Variants in ARID2 observed in about 807,000 individuals in gnomAD.
ARID2 encodes the protein AT-rich interaction domain 2.
In ARID2, 32 loss-of-function variants were observed where a neutral mutation model predicts 184.6. That is an observed-to-expected ratio of 0.17 (90% CI 0.13 to 0.23). The LOEUF (loss-of-function observed/expected upper bound fraction) is 0.23, where lower values mean the gene tolerates loss of function less well. Ranked by LOEUF, ARID2 falls within the 10% of genes least tolerant of loss-of-function variation. The probability of loss-of-function intolerance (pLI) is 1.00; values close to 1 mark genes in which losing one functional copy is unlikely to be tolerated. For synonymous variants in ARID2, 836 were observed against 772.6 expected (o/e 1.08, Z -1.36); for missense variants, 1,696 against 2,197.6 (o/e 0.77, Z 4.56).
intron 3 of ARID2, among the ~76,000 whole-genome samples, chr12:45,764,141 C>T (rs1167527303): frequency 6.6e-6 from 1 of 151,952 alleles, no homozygotes; most frequent in East Asian, 1.9e-4. Context: ...GACTAGTACA[C>T]TTAACTATTA....
chr12:45,839,345 G>C lies in ARID2; in HGVS notation c.1347G>C (p.Leu449=), dbSNP rs2138136536. The part of the protein sequence containing the change: ...VEKSIDMLVC[L]VSMDIQMFGP... ...TTATTTTAGACATGTTAGTGTGTCT[G>C]GTTTCTATGGATATTCAGATGTTTG... Residue 449 remains leucine, a synonymous_variant, in exon 11 of 21, where the codon CTG becomes CTC. Coordinates refer to ENST00000334344, the MANE Select transcript of ARID2 (RefSeq NM_152641.4). 1 of 1,611,268 alleles carries C rather than the reference G, an allele frequency of 6.2e-7. No individual in the cohort carries two copies. The highest frequency in any genetic ancestry group is 8.5e-7 in the Non-Finnish European group (1 of 1,179,154).
At chr12:45,757,931 C>T (rs1941599067) in intron 3 of ARID2, among the ~76,000 whole-genome samples, 1 of 152,162 alleles carries the variant, frequency 6.6e-6, no homozygotes, top group Non-Finnish European at 1.5e-5. Context: ...TCCAGTATTT[C>T]TCTAAATATT....
At chr12:45,800,557 A>G (rs1352207253) in intron 3 of ARID2, among the ~76,000 whole-genome samples, 1 of 152,178 alleles carries the variant, frequency 6.6e-6, no homozygotes, top group Non-Finnish European at 1.5e-5. Context: ...TTAGTTTTGT[A>G]TAATGGAAGG....
intron 16 of ARID2, among the ~76,000 whole-genome samples, chr12:45,884,890 C>T (rs1460103313): frequency 6.6e-6 from 1 of 152,126 alleles, no homozygotes; most frequent in Non-Finnish European, 1.5e-5. Context: ...CCACCTATGA[C>T]TTTTAATCTG....
At chr12:45,883,589 T>G (rs991946616) in intron 16 of ARID2, among the ~76,000 whole-genome samples, 1 of 149,798 alleles carries the variant, frequency 6.7e-6, no homozygotes, top group African/African-American at 2.5e-5. Context: ...TCACAGATAC[T>G]GTATATAAAA....
chr12:45,844,279 A>T lies in ARID2; in HGVS notation c.1499-2577A>T, dbSNP rs1180778745. 2.6e-5 allele frequency among the ~76,000 whole-genome samples: 4 copies of T among 152,170 alleles called. No homozygotes were observed. In the East Asian group the frequency reaches 7.7e-4, roughly 29 times the overall value. On this transcript the variant is annotated intron_variant, in intron 11 of 20. Transcript: ENST00000334344. Reference sequence around the variant, plus strand: ...AGCAATTCACCCACTTCGGCCTCCCAAAGTGCTGGAATTACAGGCATGAGC... The same window carrying T: ...AGCAATTCACCCACTTCGGCCTCCCTAAGTGCTGGAATTACAGGCATGAGC...
intron 11 of ARID2, among the ~76,000 whole-genome samples, 167 bp from the exon 12 acceptor site, chr12:45,846,689 C>T (rs566184063): frequency 6.6e-6 from 1 of 152,116 alleles, no homozygotes; most frequent in African/African-American, 2.4e-5. Flanking sequence ...ATGATATGTG[C>T]TCCATTATAT....
chr12:45,906,364 T>C lies in ARID2; in HGVS notation c.*1286T>C. 4.3e-6 allele frequency: 1 copy of C among 233,330 alleles called. No individual in the cohort carries two copies. Among genetic ancestry groups the C allele is most frequent in the East Asian group, 6.1e-5 (1 of 16,468 alleles). The allele number at this position is 233,330 out of a possible 1,614,324, so 14.5% of individuals were successfully genotyped here. A position where few individuals can be genotyped will look rare whatever the true frequency, so the allele number is the denominator to read the frequency against. ...CCCCAGCGTGAAATGTATCCATTTA[T>C]AACTGCCTATTGCCTGTTCTATTAG... On this transcript the variant is annotated 3_prime_UTR_variant, in exon 21 of 21. Coordinates refer to ENST00000334344, the MANE Select transcript of ARID2 (RefSeq NM_152641.4).
At chr12:45,800,139 T>C (rs1942469260) in intron 3 of ARID2, among the ~76,000 whole-genome samples, 1 of 152,200 alleles carries the variant, frequency 6.6e-6, no homozygotes, top group Non-Finnish European at 1.5e-5. Context: ...TGTGAGCCTC[T>C]GTGCCCAGAA....
At chr12:45,832,528 G>A (rs1943140903) in intron 6 of ARID2, among the ~76,000 whole-genome samples, 1 of 151,878 alleles carries the variant, frequency 6.6e-6, no homozygotes, top group African/African-American at 2.4e-5. Context: ...CCAGGCTGGA[G>A]TGCAGTGGTA....
intron 1 of ARID2, 21 bp from the exon 2 acceptor site, chr12:45,730,023 G>C (rs1159468057): frequency 4.3e-6 from 7 of 1,612,186 alleles, no homozygotes; most frequent in South Asian, 1.1e-5. Flanking sequence ...TGACAAGTGC[G>C]GGGCTTTTTC....
At chr12:45,743,113 G>T (rs1260776212) in intron 3 of ARID2, among the ~76,000 whole-genome samples, 1 of 151,980 alleles carries the variant, frequency 6.6e-6, no homozygotes, top group African/African-American at 2.4e-5. Context: ...CAGCACTTTG[G>T]AAGGCCGAGG....
chr12:45,765,125 TG>T (rs1375156503), intron 3 of ARID2, among the ~76,000 whole-genome samples: 5 of 152,246 alleles, frequency 3.3e-5, no homozygotes, highest in Middle Eastern at 3.2e-3. Context: ...TTTTAATATA[TG>T]TTTTTTTCCA....
chr12:45,814,377 C>T (rs1054882957), intron 4 of ARID2, among the ~76,000 whole-genome samples: 49 of 152,264 alleles, frequency 3.2e-4, no homozygotes, highest in African/African-American at 1.1e-3. Context: ...TGGACGGGCG[C>T]GGTGTCTCAC....
At chr12:45,848,218 T>TG (rs1943478883) in intron 12 of ARID2, among the ~76,000 whole-genome samples, 1 of 151,926 alleles carries the variant, frequency 6.6e-6, no homozygotes, top group South Asian at 2.1e-4. Flanking sequence ...AGGCCTCCAA[T>TG]CCCAATTTAT....
intron 20 of ARID2, among the ~76,000 whole-genome samples, chr12:45,897,731 G>GAC (rs1944388111): frequency 2.0e-5 from 3 of 152,240 alleles, no homozygotes; most frequent in Admixed American, 2.0e-4. Context: ...ATCGATGATA[G>GAC]ACAAAATGTG....
chr12:45,868,792 A>G (rs1262474854), intron 16 of ARID2, among the ~76,000 whole-genome samples: 1 of 152,154 alleles, frequency 6.6e-6, no homozygotes. Flanking sequence ...TTTCTGGATC[A>G]CTTGTTATCC....
intron 16 of ARID2, among the ~76,000 whole-genome samples, chr12:45,886,109 G>A (rs903088081): frequency 1.3e-5 from 2 of 152,064 alleles, no homozygotes; most frequent in Admixed American, 6.5e-5. Flanking sequence ...CTATCAGCCT[G>A]TAAAATCAAA....
intron 4 of ARID2, among the ~76,000 whole-genome samples, chr12:45,817,282 A>G (rs1473816615): frequency 6.6e-6 from 1 of 152,058 alleles, no homozygotes; most frequent in African/African-American, 2.4e-5. Context: ...TGAGCTTGGG[A>G]GATTGAGGCT....
Sources: allele counts gnomAD v4.1 joint callset (sites outside exome capture counted in the v4.1 genomes callset), GRCh38; gene constraint gnomAD v4.1.1; transcripts MANE v1.5; gene names NCBI Gene and HGNC (gene_info 2026-07-23, HGNC 2026-07-21).